Variants in KIF26A observed in about 807,000 individuals in gnomAD.
The protein encoded by KIF26A is kinesin family member 26A, also known as kinesin-like protein KIF26A.
In KIF26A, 74 loss-of-function variants were observed where a neutral mutation model predicts 126.0. That is an observed-to-expected ratio of 0.59 (90% CI 0.49 to 0.71). The LOEUF (loss-of-function observed/expected upper bound fraction) is 0.71, where lower values mean the gene tolerates loss of function less well. KIF26A is among the 30% of genes least tolerant of loss of function. KIF26A has a pLI of 0.00. For missense variants in KIF26A, 2,984 were observed against 2,763.3 expected (o/e 1.08, Z -1.79); for synonymous variants, 1,445 against 1,232.7 (o/e 1.17, Z -3.61).
At chr14:104,166,255 A>C (rs2037900638) in intron 4 of KIF26A, among the ~76,000 whole-genome samples, 1 of 152,088 alleles carries the variant, frequency 6.6e-6, no homozygotes, top group African/African-American at 2.4e-5. Flanking sequence ...AGGCAGCCTC[A>C]CCTGGGGCCT....
At chr14:104,147,916 T>A (rs937303664) in intron 2 of KIF26A, among the ~76,000 whole-genome samples, 1 of 152,104 alleles carries the variant, frequency 6.6e-6, no homozygotes, top group African/African-American at 2.4e-5. Flanking sequence ...CAGAGCTCCT[T>A]TGTGGAGACG....
At chr14:104,157,722 C>G in intron 3 of KIF26A, 33 bp from the exon 4 acceptor site, 1 of 1,596,084 alleles carries the variant, frequency 6.3e-7, no homozygotes, top group South Asian at 1.1e-5. Flanking sequence ...TCTGCCCTTG[C>G]GTTCCTTATA....
chr14:104,162,628 C>T (rs1345283106), intron 4 of KIF26A, among the ~76,000 whole-genome samples: 3 of 152,162 alleles, frequency 2.0e-5, no homozygotes, highest in Non-Finnish European at 4.4e-5. Context: ...TTGCCCACAG[C>T]CTTGGGTTGC....
At position 104,176,563 on chromosome 14, in the gene KIF26A, A is replaced by G. The variant is rs1423715695; in HGVS notation, c.3775A>G (p.Arg1259Gly). The change falls in exon 12 of 15, where the codon AGG (arginine) becomes GGG (glycine). Residue 1259 changes from arginine (R) to glycine (G), a missense_variant. Transcript: ENST00000423312. ...TGATACCCAGGCAGCTTCTGCTGGC[A>G]GGGCCCCCAGCCCCACACTTGGCTC... ...ECDTQAASAG[R>G]APSPTLGSPR... is the part of the protein sequence containing the mutation. 1 of 1,606,886 alleles carries G rather than the reference A, an allele frequency of 6.2e-7. No individual in the cohort carries two copies. The highest frequency in any genetic ancestry group is 1.3e-5 in the African/African-American group (1 of 75,058).
intron 12 of KIF26A, 54 bp from the exon 13 acceptor site, chr14:104,178,496 G>C: frequency 7.4e-7 from 1 of 1,348,246 alleles, no homozygotes. Context: ...CGCAGGGGCT[G>C]TGCTTGGGCT....
chr14:104,138,880 C>G, intron 1 of KIF26A, 116 bp downstream of exon 1: 3 of 1,261,748 alleles, frequency 2.4e-6, no homozygotes, highest in Non-Finnish European at 3.0e-6. Context: ...GGTAGCGGAC[C>G]CGCAGGCGGG....
rs2038013576 is a variant in KIF26A, at chr14:104,175,632, G to A, written c.2844G>A (p.Leu948=). ...CAGTGAGTGGAGGCAGGAGGCCACT[G>A]CCCAGCCCGGCTCCCCCACCTCCTC... ...KAAVSGGRRP[L]PSPAPPPPQL... The change falls in exon 12 of 15, where the codon CTG becomes CTA. Residue 948 remains leucine (L), a synonymous_variant. Coordinates refer to ENST00000423312, the MANE Select transcript of KIF26A (RefSeq NM_015656.2). 1.2e-6 allele frequency: 2 copies of A among 1,610,698 alleles called. No individual in the cohort carries two copies. The highest frequency in any genetic ancestry group is 1.7e-6 in the Non-Finnish European group (2 of 1,179,572).
intron 4 of KIF26A, among the ~76,000 whole-genome samples, chr14:104,166,186 C>CAGGAGCA (rs57861406): frequency 2.7e-5 from 4 of 145,542 alleles, no homozygotes; most frequent in African/African-American, 1.1e-4. Context: ...TGGCAGGGGC[C>CAGGAGCA]CAGGAGCTGG....
intron 3 of KIF26A, among the ~76,000 whole-genome samples, chr14:104,153,958 T>C (rs2037754263): frequency 6.6e-6 from 1 of 152,152 alleles, no homozygotes; most frequent in African/African-American, 2.4e-5. Context: ...TATGTGCACA[T>C]TGATCGTGGC....
chr14:104,176,425 A>G lies in KIF26A; in HGVS notation c.3637A>G (p.Lys1213Glu). 1 of 1,595,380 alleles carries G rather than the reference A, an allele frequency of 6.3e-7. No homozygotes were observed. Among genetic ancestry groups the G allele is most frequent in the African/African-American group, 1.3e-5 (1 of 74,706 alleles). Residue 1213 changes from lysine to glutamate, a missense_variant, in exon 12 of 15, where the codon AAA becomes GAA. Coordinates refer to ENST00000423312, the MANE Select transcript of KIF26A (RefSeq NM_015656.2). ...AQTIHSSLPR[K>E]PRTASATTRV... ...GACCATCCACTCCAGCCTCCCCCGG[A>G]AACCGAGGACTGCCTCTGCCACCAC...
rs1452052398 is a variant in KIF26A at position 104,152,377 on chromosome 14, C to T, written c.651C>T (p.Ser217=). 2 of 1,594,630 alleles carry T rather than the reference C, an allele frequency of 1.3e-6. No individual in the cohort carries two copies. The highest frequency in any genetic ancestry group is 2.3e-5 in the East Asian group (1 of 43,886). Residue 217 remains serine, a synonymous_variant, in exon 3 of 15, where the codon AGC becomes AGT. Coordinates refer to ENST00000423312, the MANE Select transcript of KIF26A (RefSeq NM_015656.2). This position sits in a 1 kb window ranked among gnomAD's most constrained non-coding sequence, Gnocchi z 5.9. ...CTGCGGGTCTTGGAGGGGCGCTGAG[C>T]ACGGTCACCATCCAGGCCCAGCAGT... ...VAPAGLGGAL[S]TVTIQAQQCL...
rs570594976 is a variant in KIF26A, at chr14:104,146,833, C to CG, written c.289-5178dup. Among the ~76,000 whole-genome samples the CG allele has an allele frequency of 1.8e-3, 281 of 152,226 alleles. 3 individuals are homozygous for CG. Among genetic ancestry groups the CG allele is most frequent in the African/African-American group, 6.2e-3 (259 of 41,548 alleles). ...GCTGGAGCTCACGTGGAGACCGCCA[C>CG]GGGGCAGGCCAGGTGACAGGAGGCG... On this transcript the variant is annotated intron_variant, in intron 2 of 14. Transcript: ENST00000423312.
At chr14:104,157,565 C>T (rs1490192257) in intron 3 of KIF26A, among the ~76,000 whole-genome samples, 190 bp from the exon 4 acceptor site, 1 of 152,186 alleles carries the variant, frequency 6.6e-6, no homozygotes, top group Non-Finnish European at 1.5e-5. Context: ...AGGCCTTCCC[C>T]ACTGGCCTCT....
In KIF26A at chr14:104,167,026, A is replaced by G; in HGVS notation, c.1091A>G (p.Asp364Gly). 6.3e-7 allele frequency: 1 copy of G among 1,575,952 alleles called. No homozygotes were observed. The highest frequency in any genetic ancestry group is 8.6e-7 in the Non-Finnish European group (1 of 1,162,048). The change falls in exon 5 of 15, where the codon GAC becomes GGC. Residue 364 changes from aspartate (D) to glycine (G), a missense_variant. Physicochemically the swap from Asp to Gly is moderately conservative, Grantham distance 94. Coordinates refer to ENST00000423312, the MANE Select transcript of KIF26A (RefSeq NM_015656.2). The part of the protein sequence containing the change: ...CLLRAASKTK[D>G]NPGSIGKVKV... ...CTCAGGGCCGCCTCCAAGACCAAGG[A>G]CAACCCTGGCAGCATCGGGAAGGTA... is the stretch of plus-strand genomic sequence containing the variant.
At position 104,161,130 on chromosome 14, in the gene KIF26A, T is replaced by TG. The variant is rs553005993; in HGVS notation, c.923+3189dup. ...GGGTGAAAATCCAGGACACAGGAAG[T>TG]GTGGACCACAGCAGGGCTGGGAGTT... is the stretch of plus-strand genomic sequence containing the variant. On this transcript the variant is annotated intron_variant, in intron 4 of 14. Transcript: ENST00000423312. 3.0e-4 allele frequency among the ~76,000 whole-genome samples: 46 copies of TG among 152,356 alleles called. 1 individual carries two copies. Among genetic ancestry groups the TG allele is most frequent in the African/African-American group, 1.0e-3 (43 of 41,588 alleles).
Position 104,139,148 on chromosome 14 carries a change from G to A in KIF26A, c.148G>A (p.Ala50Thr). Residue 50 changes from alanine to threonine, a missense_variant, in exon 2 of 15, where the codon GCT becomes ACT. Physicochemically the swap from Ala to Thr is moderately conservative, Grantham distance 58. Coordinates refer to ENST00000423312, the MANE Select transcript of KIF26A (RefSeq NM_015656.2). ...PDQDPCGSRP[A>T]PEGAGAGPEQ... ...CCAGGACCCATGCGGCAGCCGCCCTGCTCCCGAAGGCGCCGGGGCCGGCCC... is the reference window on the plus strand; with the variant it reads ...CCAGGACCCATGCGGCAGCCGCCCTACTCCCGAAGGCGCCGGGGCCGGCCC... 2.6e-6 allele frequency: 4 copies of A among 1,515,234 alleles called. No individual in the cohort carries two copies. Among genetic ancestry groups the A allele is most frequent in the Non-Finnish European group, 3.5e-6 (4 of 1,132,162 alleles). The allele number at this position is 1,515,234 out of a possible 1,614,324, so 93.9% of individuals were successfully genotyped here. A position where few individuals can be genotyped will look rare whatever the true frequency, so the allele number is the denominator to read the frequency against.
chr14:104,171,997 A>G lies in KIF26A; in HGVS notation c.1326+62A>G, dbSNP rs1486500203. 6.9e-6 allele frequency: 10 copies of G among 1,454,250 alleles called. No individual in the cohort carries two copies. In the Admixed American group the frequency reaches 1.8e-4, roughly 26 times the overall value. The allele number at this position is 1,454,250 out of a possible 1,614,324, so 90.1% of individuals were successfully genotyped here. A position where few individuals can be genotyped will look rare whatever the true frequency, so the allele number is the denominator to read the frequency against. ...CGGAGCCGGGCTGCTGGCTCAGCAC[A>G]TGGGTCCGATCTGCGCCCGCTTCTC... On this transcript the variant is annotated intron_variant, in intron 6 of 14. Transcript: ENST00000423312.
chr14:104,155,535 G>GC (rs1311027972), intron 3 of KIF26A, among the ~76,000 whole-genome samples: 6 of 150,664 alleles, frequency 4.0e-5, no homozygotes, highest in African/African-American at 1.2e-4. Flanking sequence ...CTGGCCGCCC[G>GC]CCCCCCCTCT....
Position 104,179,812 on chromosome 14 carries a change from A to T in KIF26A, c.*22A>T. ...CTGAGGCTGGGCGCCGGACAAGAGG[A>T]GGGGGCGTGCAGCGGGCTGGAGGAC... On this transcript the variant is annotated 3_prime_UTR_variant, in exon 15 of 15. Transcript: ENST00000423312. 6.7e-7 allele frequency: 1 copy of T among 1,492,836 alleles called. No individual in the cohort carries two copies. The highest frequency in any genetic ancestry group is 8.9e-7 in the Non-Finnish European group (1 of 1,120,580). The allele number at this position is 1,492,836 out of a possible 1,614,324, so 92.5% of individuals were successfully genotyped here. A position where few individuals can be genotyped will look rare whatever the true frequency, so the allele number is the denominator to read the frequency against.
Sources: gnomAD v4.1 joint callset for allele counts (sites outside exome capture counted in the v4.1 genomes callset) on GRCh38, gnomAD v4.1.1 for gene constraint, Gnocchi (gnomAD v3.1) non-coding constraint, MANE v1.5 for transcripts, NCBI Gene and HGNC (gene_info 2026-07-23, HGNC 2026-07-21) for gene names.